The following IFFO2 variants were observed in gnomAD, a reference collection of about 807,000 sequenced individuals.
IFFO2 encodes the protein intermediate filament family orphan 2.
In IFFO2, 19 loss-of-function variants were observed where a neutral mutation model predicts 53.5. The ratio of observed to expected loss-of-function variants is 0.36; its 90% CI spans 0.25 to 0.52. The LOEUF is 0.52. IFFO2 is among the 20% of genes least tolerant of loss of function. IFFO2 has a pLI of 0.94. For synonymous variants in IFFO2, 303 were observed against 313.6 expected, an observed-to-expected ratio of 0.97 and a Z score of 0.36; for missense variants, 570 against 727.4, an observed-to-expected ratio of 0.78 and a Z score of 2.49.
At chr1:18,924,605 G>T (rs954241612) in intron 1 of IFFO2, among the ~76,000 whole-genome samples, 1 of 152,190 alleles carries the variant, frequency 6.6e-6, no homozygotes, top group African/African-American at 2.4e-5. Flanking sequence ...CCCAAAGACT[G>T]CCTAGGAAGT....
At chr1:18,940,071 G>A (rs1290358984) in intron 1 of IFFO2, among the ~76,000 whole-genome samples, 2 of 152,208 alleles carry the variant, frequency 1.3e-5, no homozygotes, top group East Asian at 1.9e-4. Flanking sequence ...GATGCGGGAG[G>A]GTGTCATCTC....
intron 2 of IFFO2, 101 bp downstream of exon 2, chr1:18,920,960 C>A: frequency 2.1e-6 from 2 of 952,548 alleles, no homozygotes; most frequent in South Asian, 2.8e-5. Context: ...AGAGTAGGGG[C>A]TGTGCAAGAA....
At chr1:18,913,986 C>A (rs895279837) in intron 5 of IFFO2, among the ~76,000 whole-genome samples, 1 of 151,358 alleles carries the variant, frequency 6.6e-6, no homozygotes, top group Admixed American at 6.6e-5. Context: ...CGCCCGCCAC[C>A]ACGCCCGGCT....
rs1053773044 is a variant in IFFO2, at chr1:18,932,419, C to T, written c.666-11298G>A. Among the ~76,000 whole-genome samples, 4 of 152,208 alleles carry T rather than the reference C, an allele frequency of 2.6e-5. No individual in the cohort carries two copies. The South Asian group carries it at 6.2e-4, about 24-fold the overall frequency. ...TTGTCATCCAGCCCCCAGGCACTGA[C>T]TGCAGAGATCCCACCCCTGACCCCC... On this transcript the variant is annotated intron_variant, in intron 1 of 8. Coordinates refer to ENST00000455833, the MANE Select transcript of IFFO2 (RefSeq NM_001136265.2).
In IFFO2 at chr1:18,907,073, G is replaced by A. The variant is rs1479313375; in HGVS notation, c.*1488C>T. ...CTTCTGCCTCCAGGCAAGGCAGAGG[G>A]ACCCAAGTTCTAGTCCTTGGGCACA... is the stretch of plus-strand genomic sequence containing the variant. On this transcript the variant is annotated 3_prime_UTR_variant, in exon 9 of 9. Transcript: ENST00000455833. 1 of 152,232 alleles carries A rather than the reference G, an allele frequency of 6.6e-6. No individual in the cohort carries two copies. Among genetic ancestry groups the A allele is most frequent in the Non-Finnish European group, 1.5e-5 (1 of 68,054 alleles). The allele number at this position is 152,232 out of a possible 1,614,324, so 9.4% of individuals were successfully genotyped here.
At chr1:18,942,462 G>A (rs1015903603) in intron 1 of IFFO2, among the ~76,000 whole-genome samples, 5 of 152,166 alleles carry the variant, frequency 3.3e-5, no homozygotes, top group Non-Finnish European at 5.9e-5. Flanking sequence ...AGCAGCACAC[G>A]TAGCACTCTG....
rs1193128530 is a variant in IFFO2, at chr1:18,911,945, G to A, written c.1224+18C>T. ...GACCCCTAGTCCTGGCCTTTGGGAA[G>A]CCAGGCGCTGGGCTTACCTCGCCCT... On this transcript the variant is annotated intron_variant, in intron 6 of 8. Coordinates refer to ENST00000455833, the MANE Select transcript of IFFO2 (RefSeq NM_001136265.2). The A allele has an allele frequency of 1.2e-5, 18 of 1,551,276 alleles. No homozygotes were observed. In the East Asian group the frequency reaches 3.7e-4, roughly 32 times the overall value.
At chr1:18,948,312 T>C (rs1936615788) in intron 1 of IFFO2, among the ~76,000 whole-genome samples, 1 of 152,226 alleles carries the variant, frequency 6.6e-6, no homozygotes. Flanking sequence ...AGAGATTAAA[T>C]GGCATGCACA....
chr1:18,907,032 A>T lies in IFFO2; in HGVS notation c.*1529T>A, dbSNP rs1461024616. On this transcript the variant is annotated 3_prime_UTR_variant, in exon 9 of 9. Coordinates refer to ENST00000455833, the MANE Select transcript of IFFO2 (RefSeq NM_001136265.2). ...CCCCTGGGGACCACAATCCCAGTCA[A>T]ACCCAGAGCCCCCTCCTTCTGCCTC... 1 of 152,268 alleles carries T rather than the reference A, an allele frequency of 6.6e-6. No homozygotes were observed. The highest frequency in any genetic ancestry group is 1.5e-5 in the Non-Finnish European group (1 of 68,064). 9.4% of individuals were successfully genotyped at this position (152,268 alleles called of 1,614,324 possible).
At chr1:18,913,847 G>C (rs1465748565) in intron 5 of IFFO2, among the ~76,000 whole-genome samples, 2 of 152,056 alleles carry the variant, frequency 1.3e-5, no homozygotes, top group African/African-American at 4.8e-5. Context: ...TTGTTTGTTT[G>C]TTTGAGACGG....
intron 2 of IFFO2, 119 bp downstream of exon 2, chr1:18,920,942 G>C (rs1461621508): frequency 1.6e-5 from 13 of 790,722 alleles, no homozygotes; most frequent in South Asian, 1.5e-4. Flanking sequence ...GAGGTGGTAG[G>C]AGGTAACAGA....
chr1:18,946,408 T>C (rs946805346), intron 1 of IFFO2, among the ~76,000 whole-genome samples: 1 of 142,042 alleles, frequency 7.0e-6, no homozygotes. Flanking sequence ...CTTGCCACTT[T>C]CTTTTTTTTT....
At position 18,916,912 on chromosome 1, in the gene IFFO2, A is replaced by AC; in HGVS notation, c.1093_1094insG (p.Phe365CysfsTer2). 1 of 1,551,856 alleles carries AC rather than the reference A, an allele frequency of 6.4e-7. No individual in the cohort carries two copies. Among genetic ancestry groups the AC allele is most frequent in the South Asian group, 1.2e-5 (1 of 84,060 alleles). The stretch of plus-strand genomic sequence containing the variant: ...CCACGGGGATACTCACAGCTGGTTA[A>AC]ACATGCGCTTCATCTCATCGGTGAT... On this transcript the variant is annotated frameshift_variant, in exon 5 of 9. Transcript: ENST00000455833. LOFTEE classifies it high-confidence loss of function. This position sits in a 1 kb window ranked among gnomAD's most constrained non-coding sequence, Gnocchi z 4.3.
At chr1:18,909,900 A>G (rs556884084) in intron 8 of IFFO2, among the ~76,000 whole-genome samples, 38 of 152,158 alleles carry the variant, frequency 2.5e-4, no homozygotes, top group Non-Finnish European at 5.1e-4. Flanking sequence ...GCCCAGCCTC[A>G]GGCAATTCTT....
intron 1 of IFFO2, among the ~76,000 whole-genome samples, chr1:18,944,770 C>T (rs1313116754): frequency 6.6e-6 from 1 of 152,206 alleles, no homozygotes; most frequent in Non-Finnish European, 1.5e-5. Flanking sequence ...GGCCCAGCAT[C>T]TGGCTGAGGG....
At chr1:18,940,616 G>A (rs1936508336) in intron 1 of IFFO2, among the ~76,000 whole-genome samples, 1 of 152,118 alleles carries the variant, frequency 6.6e-6, no homozygotes, top group South Asian at 2.1e-4. Context: ...TGGACAGACG[G>A]ACGGACAGAC....
At chr1:18,910,187 C>CTGGA (rs60534604) in intron 8 of IFFO2, among the ~76,000 whole-genome samples, 155 bp downstream of exon 8, 266 of 151,782 alleles carry the variant, frequency 1.8e-3, no homozygotes, top group African/African-American at 3.8e-3. Flanking sequence ...CTAATAGTCA[C>CTGGA]TGGATGGATG....
At chr1:18,948,069 C>CGGGAAGTGCTGGG (rs1936612736) in intron 1 of IFFO2, among the ~76,000 whole-genome samples, 1 of 152,224 alleles carries the variant, frequency 6.6e-6, no homozygotes, top group Admixed American at 6.5e-5. Flanking sequence ...AATCACTTCC[C>CGGGAAGTGCTGGG]ACTGCTTGGG....
intron 1 of IFFO2, 75 bp from the exon 2 acceptor site, chr1:18,921,196 A>T: frequency 8.0e-7 from 1 of 1,249,084 alleles, no homozygotes; most frequent in Non-Finnish European, 1.1e-6. Flanking sequence ...CACAACCCCA[A>T]CACCCACCCA....
Sources: gnomAD v4.1 joint callset for allele counts (sites outside exome capture counted in the v4.1 genomes callset) on GRCh38, gnomAD v4.1.1 for gene constraint, Gnocchi (gnomAD v3.1) non-coding constraint, MANE v1.5 for transcripts, NCBI Gene and HGNC (gene_info 2026-07-23, HGNC 2026-07-21) for gene names.